TGFBR3: variants seen among roughly 807,000 people sequenced by gnomAD.
TGFBR3 encodes transforming growth factor beta receptor 3.
Under a neutral mutation model 87.9 loss-of-function variants are expected in TGFBR3, and 46 were observed. The observed-to-expected ratio is 0.52, with a 90% CI of 0.41 to 0.67. TGFBR3 has a LOEUF of 0.67. TGFBR3 is among the 30% of genes least tolerant of loss of function. The pLI, the probability that TGFBR3 is intolerant of heterozygous loss-of-function variation, is 0.00. For synonymous variants in TGFBR3, 381 were observed against 391.6 expected, an observed-to-expected ratio of 0.97 and a Z score of 0.32; for missense variants, 866 against 1,041.9, an observed-to-expected ratio of 0.83 and a Z score of 2.32.
At chr1:91,904,288 A>ATTTTTTT (rs1285182606) in intron 1 of TGFBR3, among the ~76,000 whole-genome samples, 4 of 126,104 alleles carry the variant, frequency 3.2e-5, no homozygotes, top group Non-Finnish European at 6.8e-5. Context: ...CAGGGCTTGG[A>ATTTTTTT]TTTTTTTTTT....
At chr1:91,711,046 G>A (rs1388168658) in intron 13 of TGFBR3, among the ~76,000 whole-genome samples, 3 of 152,102 alleles carry the variant, frequency 2.0e-5, no homozygotes, top group Admixed American at 6.5e-5. Context: ...TCCCCTCCAA[G>A]ACCTCTAACC....
At chr1:91,758,882 A>G in intron 3 of TGFBR3, 132 bp from the exon 4 acceptor site, 2 of 1,105,456 alleles carry the variant, frequency 1.8e-6, no homozygotes, top group Non-Finnish European at 2.7e-6. Context: ...CTCAGATTCT[A>G]TGAATAAGAT....
intron 1 of TGFBR3, among the ~76,000 whole-genome samples, chr1:91,875,099 A>G (rs546926369): frequency 1.3e-5 from 2 of 152,202 alleles, no homozygotes; most frequent in Non-Finnish European, 2.9e-5. Flanking sequence ...CAATATATCT[A>G]TAAACCAGGC....
intron 4 of TGFBR3, among the ~76,000 whole-genome samples, chr1:91,740,097 T>C (rs539254932): frequency 2.0e-4 from 31 of 152,320 alleles, no homozygotes; most frequent in African/African-American, 7.5e-4. Flanking sequence ...CTTGCTCTTG[T>C]CACCCAGGCT....
intron 3 of TGFBR3, among the ~76,000 whole-genome samples, chr1:91,780,709 G>A (rs1399297336): frequency 2.0e-5 from 3 of 151,502 alleles, no homozygotes; most frequent in South Asian, 2.1e-4. Context: ...ACAGGCATGC[G>A]TCACCATGCC....
chr1:91,897,400 T>G (rs562164836), intron 2 of TGFBR3, among the ~76,000 whole-genome samples: 1 of 152,368 alleles, frequency 6.6e-6, no homozygotes, highest in African/African-American at 2.4e-5. Flanking sequence ...GGAAATCTCA[T>G]GTACAAACAC....
At chr1:91,815,006 G>A (rs1676163766) in intron 2 of TGFBR3, among the ~76,000 whole-genome samples, 1 of 152,064 alleles carries the variant, frequency 6.6e-6, no homozygotes, top group Admixed American at 6.6e-5. Flanking sequence ...ATTTATAAAA[G>A]CAGGCATTTT....
At chr1:91,764,509 G>A (rs1674099313) in intron 3 of TGFBR3, among the ~76,000 whole-genome samples, 2 of 151,946 alleles carry the variant, frequency 1.3e-5, no homozygotes, top group Non-Finnish European at 2.9e-5. Flanking sequence ...AAGGGGTCCT[G>A]GGAGCCGTTG....
chr1:91,764,023 T>TAATATTC (rs1674070905), intron 3 of TGFBR3, among the ~76,000 whole-genome samples: 1 of 152,082 alleles, frequency 6.6e-6, no homozygotes, highest in Admixed American at 6.5e-5. Context: ...TTCTCTGAAT[T>TAATATTC]TCTAGAAGAA....
At chr1:91,780,424 A>G (rs979736633) in intron 3 of TGFBR3, among the ~76,000 whole-genome samples, 18 of 152,128 alleles carry the variant, frequency 1.2e-4, no homozygotes, top group African/African-American at 4.1e-4. Flanking sequence ...AAGACATCTG[A>G]TAAGAAGTGA....
chr1:91,849,178 T>TTC (rs1408317865), intron 2 of TGFBR3, among the ~76,000 whole-genome samples: 3 of 152,168 alleles, frequency 2.0e-5, no homozygotes, highest in Non-Finnish European at 4.4e-5. Flanking sequence ...CAACAGCCTA[T>TTC]TCTCAGCCCA....
At chr1:91,749,797 C>T (rs1036595932) in intron 4 of TGFBR3, among the ~76,000 whole-genome samples, 4 of 152,148 alleles carry the variant, frequency 2.6e-5, no homozygotes, top group Non-Finnish European at 5.9e-5. Context: ...GGGTTTCTTT[C>T]CCCTCCTATT....
chr1:91,738,411 TC>T (rs1673037635), intron 4 of TGFBR3, among the ~76,000 whole-genome samples: 1 of 152,092 alleles, frequency 6.6e-6, no homozygotes, highest in African/African-American at 2.4e-5. Context: ...TGGGGGCAGA[TC>T]CCCCCATGAA....
intron 3 of TGFBR3, among the ~76,000 whole-genome samples, chr1:91,766,198 C>CTTTTTTTTTTTTTTTTT (rs749978314): frequency 8.7e-6 from 1 of 114,458 alleles, no homozygotes; most frequent in Non-Finnish European, 1.7e-5. Context: ...AGTTTGTTTT[C>CTTTTTTTTTTTTTTTTT]TTTTTTTTTT....
chr1:91,856,552 A>G (rs1241777072), intron 2 of TGFBR3, among the ~76,000 whole-genome samples: 2 of 152,172 alleles, frequency 1.3e-5, no homozygotes, highest in Admixed American at 6.5e-5. Flanking sequence ...CTTGGGCTCA[A>G]TTTACGTGCT....
chr1:91,830,877 T>A, intron 2 of TGFBR3, among the ~76,000 whole-genome samples: 1 of 152,174 alleles, frequency 6.6e-6, no homozygotes, highest in African/African-American at 2.4e-5. Flanking sequence ...GCACCCTGTG[T>A]GCCGATCAGA....
At position 91,680,623 on chromosome 1, in the gene TGFBR3, TGTCA is replaced by T. The variant is rs761492490; in HGVS notation, c.*3112_*3115del. ...TAATAGTCCTTTTTAGAAAAACATC[TGTCA>T]GTTTCATGAACAACCCCCAGATAAA... is the stretch of plus-strand genomic sequence containing the variant. On this transcript the variant is annotated 3_prime_UTR_variant, in exon 17 of 17. Coordinates refer to ENST00000212355, the MANE Select transcript of TGFBR3 (RefSeq NM_003243.5). 2.2e-6 allele frequency: 1 copy of T among 454,044 alleles called. No individual in the cohort carries two copies. Among genetic ancestry groups the T allele is most frequent in the South Asian group, 1.6e-5 (1 of 64,472 alleles). 28.1% of individuals were successfully genotyped at this position (454,044 alleles called of 1,614,324 possible).
intron 2 of TGFBR3, among the ~76,000 whole-genome samples, chr1:91,808,755 C>T (rs772066520): frequency 2.0e-5 from 3 of 152,186 alleles, no homozygotes; most frequent in Non-Finnish European, 4.4e-5. Flanking sequence ...TGAGTCACCA[C>T]ACCGAGCACT....
At chr1:91,768,501 T>A in intron 3 of TGFBR3, among the ~76,000 whole-genome samples, 1 of 152,166 alleles carries the variant, frequency 6.6e-6, no homozygotes, top group East Asian at 1.9e-4. Flanking sequence ...TGAACTGTAA[T>A]CCCCAATGTT....
Sources: gnomAD v4.1 joint callset for allele counts (sites outside exome capture counted in the v4.1 genomes callset) on GRCh38, gnomAD v4.1.1 for gene constraint, MANE v1.5 for transcripts, NCBI Gene and HGNC (gene_info 2026-07-23, HGNC 2026-07-21) for gene names.